MACF1: variants seen among roughly 807,000 people sequenced by gnomAD.
MACF1 encodes microtubule-actin cross-linking factor 1.
Under a neutral mutation model 854.8 loss-of-function variants are expected in MACF1, and 193 were observed. That is an observed-to-expected ratio of 0.23 (90% CI 0.20 to 0.25). MACF1 has a LOEUF of 0.25. Ranked by LOEUF, MACF1 falls within the 10% of genes least tolerant of loss-of-function variation. The pLI, the probability that MACF1 is intolerant of heterozygous loss-of-function variation, is 1.00. For synonymous variants in MACF1, 3,185 were observed against 3,226.7 expected (o/e 0.99, Z 0.44); for missense variants, 7,722 against 8,929.1 (o/e 0.86, Z 5.45).
At chr1:39,244,900 C>T (rs549156504) in intron 2 of MACF1, among the ~76,000 whole-genome samples, 5 of 151,964 alleles carry the variant, frequency 3.3e-5, no homozygotes, top group African/African-American at 7.2e-5. Context: ...TTCAGTAGAG[C>T]GGGGGTTTTG....
chr1:39,393,196 AATATATATAT>A lies in MACF1; in HGVS notation c.15816+4557_15816+4566del, dbSNP rs1553345251. Among the ~76,000 whole-genome samples the A allele has an allele frequency of 1.8e-4, 12 of 66,576 alleles. 1 individual carries two copies. The highest frequency in any genetic ancestry group is 2.8e-4 in the Non-Finnish European group (11 of 38,868). The allele number at this position is 66,576 out of a possible 152,430, so 43.7% of individuals were successfully genotyped here. ...CTGGGAAGGGTAAAAAAAAAAAAAAAATATATATATATATATATATATATATATGTTAAGT... is the reference window on the plus strand; with the variant it reads ...CTGGGAAGGGTAAAAAAAAAAAAAAAATATATATATATATATATGTTAAGT... On this transcript the variant is annotated intron_variant, in intron 58 of 100. Coordinates refer to ENST00000564288, the MANE Select transcript of MACF1 (RefSeq NM_001394062.1).
At chr1:39,091,731 A>T (rs1246038865) in intron 2 of MACF1, among the ~76,000 whole-genome samples, 1 of 151,832 alleles carries the variant, frequency 6.6e-6, no homozygotes, top group Non-Finnish European at 1.5e-5. Context: ...CAATCTCTTG[A>T]CCTCGTGATC....
intron 26 of MACF1, among the ~76,000 whole-genome samples, chr1:39,314,936 T>C (rs899792742): frequency 6.6e-6 from 1 of 152,244 alleles, no homozygotes; most frequent in Non-Finnish European, 1.5e-5. Context: ...CCCTTCAGTG[T>C]GATTATGTTA....
Position 39,336,023 on chromosome 1 carries a change from C to T in MACF1, c.9435C>T (p.Asn3145=). ...AAGGAACCACCAGACAGGAGACCAA[C>T]TATCAAGATTCCTGGGTTACTTCGA... ...SFQGTTRQET[N]YQDSWVTSKT... is the part of the protein sequence containing the mutation. Residue 3145 remains asparagine, a synonymous_variant, in exon 37 of 101, where the codon AAC becomes AAT. Transcript: ENST00000564288. The T allele has an allele frequency of 1.2e-6, 2 of 1,614,118 alleles. No homozygotes were observed. Among genetic ancestry groups the T allele is most frequent in the Non-Finnish European group, 1.7e-6 (2 of 1,180,014 alleles).
chr1:39,456,444 G>A (rs1557664679), intron 89 of MACF1, among the ~76,000 whole-genome samples: 1 of 152,228 alleles, frequency 6.6e-6, no homozygotes, highest in Admixed American at 6.5e-5. Context: ...TTGCCTAACT[G>A]TAGGCTAACG....
At chr1:39,470,155 G>A (rs775426746) in intron 97 of MACF1, among the ~76,000 whole-genome samples, 5 of 152,164 alleles carry the variant, frequency 3.3e-5, no homozygotes, top group African/African-American at 1.2e-4. Context: ...AGAAATGTTT[G>A]CTGTACAGTA....
chr1:39,253,624 G>A (rs780371671), intron 4 of MACF1, among the ~76,000 whole-genome samples: 1 of 138,398 alleles, frequency 7.2e-6, no homozygotes, highest in Non-Finnish European at 1.5e-5. Flanking sequence ...AGCTATTCTT[G>A]TGCTTCAGCC....
At chr1:39,096,062 A>G (rs1641929983) in intron 2 of MACF1, among the ~76,000 whole-genome samples, 1 of 151,702 alleles carries the variant, frequency 6.6e-6, no homozygotes, top group Non-Finnish European at 1.5e-5. Flanking sequence ...CCAACCACTC[A>G]GGAGGCTGAG....
At chr1:39,235,367 A>T (rs945998969) in intron 2 of MACF1, among the ~76,000 whole-genome samples, 12 of 152,254 alleles carry the variant, frequency 7.9e-5, no homozygotes, top group Admixed American at 6.5e-4. Context: ...TGGTGGCGCG[A>T]GCCTGCAATC....
chr1:39,293,393 A>T lies in MACF1; in HGVS notation c.1993-65A>T, dbSNP rs1571282377. The T allele has an allele frequency of 3.7e-6, 5 of 1,346,918 alleles. No homozygotes were observed. The East Asian group carries it at 1.2e-4, about 32-fold the overall frequency. The allele number at this position is 1,346,918 out of a possible 1,614,324, so 83.4% of individuals were successfully genotyped here. A position where few individuals can be genotyped will look rare whatever the true frequency, so the allele number is the denominator to read the frequency against. On this transcript the variant is annotated intron_variant, in intron 17 of 100. Transcript: ENST00000564288. The stretch of plus-strand genomic sequence containing the variant: ...CTGAGTTATTCTCTCCTTTGATGTC[A>T]AATGTGCTATCTTCTACAGATACAA...
At chr1:39,403,072 T>G (rs970294069) in intron 58 of MACF1, among the ~76,000 whole-genome samples, 4 of 139,002 alleles carry the variant, frequency 2.9e-5, no homozygotes, top group Non-Finnish European at 1.5e-5. Context: ...GTTTTTTTTT[T>G]GTTTGGTTGT....
intron 6 of MACF1, among the ~76,000 whole-genome samples, chr1:39,273,609 T>C (rs1384160109): frequency 6.6e-6 from 1 of 151,894 alleles, no homozygotes; most frequent in African/African-American, 2.4e-5. Context: ...TTCTTTTTCT[T>C]TTTTTTTGAG....
chr1:39,365,330 C>T (rs1311608265), intron 49 of MACF1, among the ~76,000 whole-genome samples: 2 of 152,116 alleles, frequency 1.3e-5, no homozygotes, highest in Non-Finnish European at 2.9e-5. Flanking sequence ...CCTGCCTCAG[C>T]CTCCCAAAGG....
At chr1:39,260,546 G>A (rs1645151149) in intron 6 of MACF1, 1 of 151,744 alleles carries the variant, frequency 6.6e-6, no homozygotes, top group Non-Finnish European at 1.5e-5. Flanking sequence ...TTTATTATTA[G>A]TAGAGACAGG....
intron 2 of MACF1, among the ~76,000 whole-genome samples, chr1:39,092,133 T>C (rs1641823276): frequency 6.6e-6 from 1 of 152,168 alleles, no homozygotes. Flanking sequence ...GAAATAGGAA[T>C]TAGCCAGGAC....
intron 72 of MACF1, among the ~76,000 whole-genome samples, chr1:39,439,849 A>G (rs1570088428): frequency 6.6e-6 from 1 of 151,906 alleles, no homozygotes; most frequent in African/African-American, 2.4e-5. Flanking sequence ...CAGGTGATCC[A>G]CCCACCTTGG....
At position 39,380,328 on chromosome 1, in the gene MACF1, A is replaced by G. The variant is rs1448610337; in HGVS notation, c.13603A>G (p.Asn4535Asp). Reference protein sequence around the residue: ...ALAGLLVTYPNSQEAENWKKI... With the variant: ...ALAGLLVTYPDSQEAENWKKI... ...GGCTGGATTACTGGTGACATATCCC[A>G]ACTCACAGGAAGCAGAAAATTGGAA... The change falls in exon 55 of 101, where the codon AAC becomes GAC. Residue 4535 changes from asparagine to aspartate, a missense_variant. By Grantham distance (23) the Asn-to-Asp change is conservative (BLOSUM62 1). Around this residue, in one of 15 missense-constraint regions of MACF1, gnomAD observed 2,807 missense variants for 3,235.8 expected, o/e 0.87. Transcript: ENST00000564288. 6.2e-7 allele frequency: 1 copy of G among 1,613,474 alleles called. No homozygotes were observed. The highest frequency in any genetic ancestry group is 8.5e-7 in the Non-Finnish European group (1 of 1,179,784).
At chr1:39,260,367 CTT>C (rs772459109) in intron 6 of MACF1, 40 of 139,764 alleles carry the variant, frequency 2.9e-4, no homozygotes, top group Admixed American at 3.6e-4. Context: ...TTTTTCTTTT[CTT>C]TTTTTTTTTT....
Position 39,349,584 on chromosome 1 carries a change from A to G in MACF1, c.10922A>G (p.Gln3641Arg), listed in dbSNP as rs763325721. ...ALAGHQGRTTQQDLSALQKNQ... is the reference protein window; with the variant it reads ...ALAGHQGRTTRQDLSALQKNQ... ...GCAGGCCACCAAGGCAGAACCACCC[A>G]GCAGGATCTCTCTGCTTTGCAGAAG... is the stretch of plus-strand genomic sequence containing the variant. Residue 3641 changes from glutamine to arginine, a missense_variant, in exon 42 of 101, where the codon CAG (glutamine) becomes CGG (arginine). Around this residue, in one of 15 missense-constraint regions of MACF1, gnomAD observed 2,807 missense variants for 3,235.8 expected, o/e 0.87. Transcript: ENST00000564288. 2 of 1,614,244 alleles carry G rather than the reference A, an allele frequency of 1.2e-6. No homozygotes were observed. Among genetic ancestry groups the G allele is most frequent in the Non-Finnish European group, 1.7e-6 (2 of 1,180,026 alleles).
Sources: allele counts gnomAD v4.1 joint callset (sites outside exome capture counted in the v4.1 genomes callset), GRCh38; gene constraint gnomAD v4.1.1; regional missense constraint gnomAD v4.1.1; transcripts MANE v1.5; gene names NCBI Gene and HGNC (gene_info 2026-07-23, HGNC 2026-07-21).